Variants in PLA2G4B observed in about 807,000 individuals in gnomAD.
PLA2G4B encodes cytosolic phospholipase A2 beta.
Under a neutral mutation model 95.8 loss-of-function variants are expected in PLA2G4B, and 122 were observed. The ratio of observed to expected loss-of-function variants is 1.27; its 90% confidence interval spans 1.10 to 1.48. The LOEUF (loss-of-function observed/expected upper bound fraction) is 1.48, where lower values mean the gene tolerates loss of function less well. Ranked by LOEUF, PLA2G4B falls within the 40% of genes most tolerant of loss-of-function variation. The pLI, the probability that PLA2G4B is intolerant of heterozygous loss-of-function variation, is 0.00. For synonymous variants in PLA2G4B, 518 were observed against 421.5 expected (o/e 1.23, Z -2.80); for missense variants, 1,158 against 996.2 (o/e 1.16, Z -2.19).
Position 41,841,569 on chromosome 15 carries a change from AGT to A in PLA2G4B, c.490+2_490+3del. The A allele has an allele frequency of 6.2e-7, 1 of 1,613,928 alleles. No individual in the cohort carries two copies. Among genetic ancestry groups the A allele is most frequent in the Non-Finnish European group, 8.5e-7 (1 of 1,179,970 alleles). On this transcript the variant is annotated frameshift_variant and splice_region_variant, in exon 7 of 20. Coordinates refer to ENST00000458483, the MANE Select transcript of PLA2G4B (RefSeq NM_001114633.2). LOFTEE classifies it high-confidence loss of function. ...CAACTGGAGGAGACAGGAGACCAGA[AGT>A]GTGAGTCCCCAACCCACTGGGACAG... is the stretch of plus-strand genomic sequence containing the variant.
rs947944554 is a variant in PLA2G4B, at chr15:41,842,780, T to C, written c.743+189T>C. The C allele has an allele frequency of 6.9e-6, 6 of 869,484 alleles. No individual in the cohort carries two copies. The Middle Eastern group carries it at 1.1e-3, about 156-fold the overall frequency. 53.9% of individuals were successfully genotyped at this position (869,484 alleles called of 1,614,324 possible). ...GTACTGGGAGGAGTCTTAGCACCTA[T>C]GGTCAGAGGGGCGAGTGACCGGCCC... On this transcript the variant is annotated intron_variant, in intron 10 of 19. Coordinates refer to ENST00000458483, the MANE Select transcript of PLA2G4B (RefSeq NM_001114633.2).
intron 18 of PLA2G4B, 84 bp from the exon 19 acceptor site, chr15:41,847,253 A>G: frequency 2.0e-6 from 3 of 1,500,258 alleles, no homozygotes; most frequent in Middle Eastern, 1.8e-4. Flanking sequence ...TTTGAGCCCC[A>G]GGTCCTGTGC....
chr15:41,845,717 GTTC>G lies in PLA2G4B; in HGVS notation c.1440_1442del (p.Phe481del). On this transcript the variant is annotated inframe_deletion, in exon 15 of 20. Coordinates refer to ENST00000458483, the MANE Select transcript of PLA2G4B (RefSeq NM_001114633.2). Reference sequence around the variant, plus strand: ...TCCCCTCTGAGCTCTTTGGCTCCGAGTTCTTTATGGGGCAGCTGATGAAGAGGC... The same window carrying G: ...TCCCCTCTGAGCTCTTTGGCTCCGAGTTTATGGGGCAGCTGATGAAGAGGC... The G allele has an allele frequency of 6.2e-7, 1 of 1,613,114 alleles. No individual in the cohort carries two copies. Among genetic ancestry groups the G allele is most frequent in the African/African-American group, 1.3e-5 (1 of 74,982 alleles).
intron 18 of PLA2G4B, among the ~76,000 whole-genome samples, chr15:41,847,057 G>A (rs1418588444): frequency 6.6e-6 from 1 of 152,084 alleles, no homozygotes; most frequent in East Asian, 1.9e-4. Context: ...ACTGACCTGC[G>A]AGGTGTGGTC....
intron 9 of PLA2G4B, 37 bp downstream of exon 9, chr15:41,842,313 A>T (rs1235312125): frequency 2.5e-6 from 4 of 1,612,654 alleles, no homozygotes; most frequent in South Asian, 1.1e-5. Context: ...AGGCGCCTGG[A>T]TGGGGCTGGG....
At position 41,848,091 on chromosome 15, in the gene PLA2G4B, T is replaced by A. The variant is rs2065615275; in HGVS notation, c.*231T>A. 1 of 608,388 alleles carries A rather than the reference T, an allele frequency of 1.6e-6. No individual in the cohort carries two copies. The highest frequency in any genetic ancestry group is 1.9e-5 in the African/African-American group (1 of 53,942). The allele number at this position is 608,388 out of a possible 1,614,324, so 37.7% of individuals were successfully genotyped here. ...CCCCCGGCCTGTGCCTGTTTTCCCT[T>A]CTGCGCTACCTTGAGTAGTTGGAGC... On this transcript the variant is annotated 3_prime_UTR_variant, in exon 20 of 20. Coordinates refer to ENST00000458483, the MANE Select transcript of PLA2G4B (RefSeq NM_001114633.2).
At position 41,841,848 on chromosome 15, in the gene PLA2G4B, C is replaced by T. The variant is rs1377296988; in HGVS notation, c.520C>T (p.Pro174Ser). 1 of 1,613,438 alleles carries T rather than the reference C, an allele frequency of 6.2e-7. No individual in the cohort carries two copies. The highest frequency in any genetic ancestry group is 8.5e-7 in the Non-Finnish European group (1 of 1,179,914). The part of the protein sequence containing the change: ...SSEHRVQLVV[P>S]GSCEGPQEAS... ...AGAGCACAGAGTTCAGCTTGTGGTT[C>T]CTGGGTCCTGTGAGGGTCCGCAGGA... The change falls in exon 8 of 20, where the codon CCT (proline) becomes TCT (serine). Residue 174 changes from proline (P) to serine (S), a missense_variant. Coordinates refer to ENST00000458483, the MANE Select transcript of PLA2G4B (RefSeq NM_001114633.2).
In PLA2G4B at chr15:41,847,486, T is replaced by C; in HGVS notation, c.2097T>C (p.Pro699=). The C allele has an allele frequency of 6.2e-7, 1 of 1,610,672 alleles. No individual in the cohort carries two copies. The highest frequency in any genetic ancestry group is 2.2e-5 in the East Asian group (1 of 44,774). ...GAGCCCCTGCGGTGCTGCACTTTCC[T>C]CTGGTCAGCGACTCCTTCCGGGAGT... ...CPGAPAVLHF[P]LVSDSFREYS... Residue 699 remains proline (P), a synonymous_variant, in exon 19 of 20, where the codon CCT becomes CCC. Coordinates refer to ENST00000458483, the MANE Select transcript of PLA2G4B (RefSeq NM_001114633.2).
Position 41,842,642 on chromosome 15 carries a change from G to T in PLA2G4B, c.743+51G>T, listed in dbSNP as rs776705360. ...CAAGGCCCTGGAAAACAACCAGGGTGCGGGGCTGGAGGAGGCCTGGAGGAG... is the reference window on the plus strand; with the variant it reads ...CAAGGCCCTGGAAAACAACCAGGGTTCGGGGCTGGAGGAGGCCTGGAGGAG... On this transcript the variant is annotated intron_variant, in intron 10 of 19. Coordinates refer to ENST00000458483, the MANE Select transcript of PLA2G4B (RefSeq NM_001114633.2). 3.1e-6 allele frequency: 5 copies of T among 1,596,610 alleles called. No individual in the cohort carries two copies. In the Admixed American group the frequency reaches 9.2e-5, roughly 29 times the overall value.
chr15:41,842,584 G>A lies in PLA2G4B; in HGVS notation c.736G>A (p.Glu246Lys). The A allele has an allele frequency of 6.2e-7, 1 of 1,607,274 alleles. No homozygotes were observed. The highest frequency in any genetic ancestry group is 1.1e-5 in the South Asian group (1 of 90,280). Residue 246 changes from glutamate to lysine, a missense_variant, in exon 10 of 20, where the codon GAA (glutamate) becomes AAA (lysine). Coordinates refer to ENST00000458483, the MANE Select transcript of PLA2G4B (RefSeq NM_001114633.2). ...CCTGATGAGAGTGGAGCTGAAAAAA[G>A]AAGCAGGGTGAGAGGCCTGGCTGGG... ...EPLMRVELKK[E>K]AGLRELAVRL...
chr15:41,844,838 CT>C lies in PLA2G4B; in HGVS notation c.1017-6del, dbSNP rs3214841. On this transcript the variant is annotated splice_polypyrimidine_tract_variant and intron_variant, in intron 12 of 19. Transcript: ENST00000458483. ...GACAGCCCTCTGGCTTTGGCTTTGGCTTTTCCCAGGGCCTTGGCCAACCTTT... is the reference window on the plus strand; with the variant it reads ...GACAGCCCTCTGGCTTTGGCTTTGGCTTTCCCAGGGCCTTGGCCAACCTTT... 0.16 allele frequency: 249,709 copies of C among 1,592,990 alleles called. 26,779 individuals are homozygous for C. The highest frequency in any genetic ancestry group is 0.68 in the East Asian group (30,285 of 44,240).
At chr15:41,847,564 CCCA>C in intron 19 of PLA2G4B, 41 bp downstream of exon 19, 1 of 1,605,596 alleles carries the variant, frequency 6.2e-7, no homozygotes, top group East Asian at 2.2e-5. Context: ...GCCCCAGTCC[CCCA>C]CACCTCCTCC....
Position 41,841,132 on chromosome 15 carries a change from C to T in PLA2G4B, c.392+37C>T, listed in dbSNP as rs1360814695. 3.1e-6 allele frequency: 5 copies of T among 1,610,236 alleles called. 1 individual carries two copies. In the Admixed American group the frequency reaches 8.3e-5, roughly 27 times the overall value. ...GCCTGGGGCAGTTTGGGTGGGAGTG[C>T]CTTGTGGGAAGGACAGCACTAGTGC... On this transcript the variant is annotated intron_variant, in intron 5 of 19. Coordinates refer to ENST00000458483, the MANE Select transcript of PLA2G4B (RefSeq NM_001114633.2).
At chr15:41,842,005 C>A in intron 8 of PLA2G4B, 56 bp downstream of exon 8, 1 of 1,580,240 alleles carries the variant, frequency 6.3e-7, no homozygotes, top group South Asian at 1.2e-5. Flanking sequence ...CCTCCCTCTG[C>A]ACCTCCTCCC....
chr15:41,845,346 G>C, intron 14 of PLA2G4B, 26 bp downstream of exon 14: 1 of 1,609,208 alleles, frequency 6.2e-7, no homozygotes, highest in Non-Finnish European at 8.5e-7. Flanking sequence ...GCTGAGACCT[G>C]TGCCCTTGCA....
At position 41,844,664 on chromosome 15, in the gene PLA2G4B, G is replaced by T. The variant is rs540874766; in HGVS notation, c.1016+57G>T. 2.9e-5 allele frequency: 46 copies of T among 1,611,468 alleles called. No individual in the cohort carries two copies. The South Asian group carries it at 4.7e-4, about 17-fold the overall frequency. On this transcript the variant is annotated intron_variant, in intron 12 of 19. Coordinates refer to ENST00000458483, the MANE Select transcript of PLA2G4B (RefSeq NM_001114633.2). ...GTGTGGCAGGGGGTGCTGGTGCCAG[G>T]GTTCTCCTAGGCCTCTGAGAAAACT...
Position 41,845,917 on chromosome 15 carries a change from C to G in PLA2G4B, c.1496-26C>G, listed in dbSNP as rs373552531. The G allele has an allele frequency of 8.6e-6, 13 of 1,514,526 alleles. No homozygotes were observed. In the East Asian group the frequency reaches 1.4e-4, roughly 16 times the overall value. 93.8% of individuals were successfully genotyped at this position (1,514,526 alleles called of 1,614,324 possible). A position where few individuals can be genotyped will look rare whatever the true frequency, so the allele number is the denominator to read the frequency against. The stretch of plus-strand genomic sequence containing the variant: ...AGGATTGGGACAAGAGTCGGGGGCC[C>G]TCTTCCCTCACGGCCGCTCTTTCAG... On this transcript the variant is annotated intron_variant, in intron 15 of 19. Coordinates refer to ENST00000458483, the MANE Select transcript of PLA2G4B (RefSeq NM_001114633.2).
In PLA2G4B at chr15:41,845,933, G is replaced by A. The variant is rs768201435; in HGVS notation, c.1496-10G>A. The A allele has an allele frequency of 1.7e-5, 26 of 1,514,118 alleles. No individual in the cohort carries two copies. Among genetic ancestry groups the A allele is most frequent in the South Asian group, 4.0e-5 (3 of 74,792 alleles). The allele number at this position is 1,514,118 out of a possible 1,614,324, so 93.8% of individuals were successfully genotyped here. ...TCGGGGGCCCTCTTCCCTCACGGCC[G>A]CTCTTTCAGGTATCTGGAGCAACCT... On this transcript the variant is annotated splice_polypyrimidine_tract_variant and intron_variant, in intron 15 of 19. Coordinates refer to ENST00000458483, the MANE Select transcript of PLA2G4B (RefSeq NM_001114633.2).
Position 41,847,514 on chromosome 15 carries a change from T to TCGGCC in PLA2G4B, c.2127_2131dup (p.Pro711ArgfsTer17), listed in dbSNP as rs745913873. ...GGTCAGCGACTCCTTCCGGGAGTAC[T>TCGGCC]CGGCCCCTGGTGAGCTGCTGTTCAC... On this transcript the variant is annotated frameshift_variant, in exon 19 of 20. Transcript: ENST00000458483. LOFTEE classifies it low-confidence loss of function (END_TRUNC). The TCGGCC allele has an allele frequency of 8.1e-6, 13 of 1,604,658 alleles. No homozygotes were observed. In the Admixed American group the frequency reaches 2.2e-4, roughly 27 times the overall value.
Sources: gnomAD v4.1 joint callset for allele counts (sites outside exome capture counted in the v4.1 genomes callset) on GRCh38, gnomAD v4.1.1 for gene constraint, MANE v1.5 for transcripts, NCBI Gene and HGNC (gene_info 2026-07-23, HGNC 2026-07-21) for gene names.